Variants in SMYD3 observed in about 807,000 individuals in gnomAD.
SMYD3 encodes the protein histone-lysine N-methyltransferase SMYD3.
Under a neutral mutation model 57.7 loss-of-function variants are expected in SMYD3, and 36 were observed. The ratio of observed to expected loss-of-function variants is 0.62; its 90% CI spans 0.48 to 0.82. The LOEUF is 0.82. Among genes scored for constraint, SMYD3 ranks in the 40% least tolerant of loss-of-function variants. SMYD3 has a pLI of 0.00. For missense variants in SMYD3, 515 were observed against 538.8 expected (o/e 0.96, Z 0.44); for synonymous variants, 211 against 195.0 (o/e 1.08, Z -0.68).
intron 5 of SMYD3, among the ~76,000 whole-genome samples, chr1:246,269,533 C>CTTTT (rs139750750): frequency 1.4e-5 from 2 of 138,812 alleles, no homozygotes; most frequent in South Asian, 2.5e-4. Flanking sequence ...CTTTCTGTTT[C>CTTTT]TTTTTTTTTC....
chr1:246,276,949 A>C (rs1337017098), intron 5 of SMYD3, among the ~76,000 whole-genome samples: 1 of 152,138 alleles, frequency 6.6e-6, no homozygotes, highest in Admixed American at 6.5e-5. Flanking sequence ...TAGCCGTATT[A>C]ACACTGGCAG....
intron 1 of SMYD3, among the ~76,000 whole-genome samples, chr1:246,384,226 TTTC>T (rs1329220137): frequency 6.6e-6 from 1 of 152,136 alleles, no homozygotes; most frequent in African/African-American, 2.4e-5. Flanking sequence ...AAATAATGTG[TTTC>T]TTCATCTTTC....
intron 5 of SMYD3, among the ~76,000 whole-genome samples, chr1:246,194,527 A>T (rs1438203617): frequency 6.6e-6 from 1 of 152,190 alleles, no homozygotes; most frequent in South Asian, 2.1e-4. Context: ...TAGGCCTCCG[A>T]AAGTGCTGGG....
intron 10 of SMYD3, among the ~76,000 whole-genome samples, chr1:245,777,089 G>A (rs1326324972): frequency 1.3e-5 from 2 of 152,122 alleles, no homozygotes; most frequent in East Asian, 1.9e-4. Flanking sequence ...AAAAATGATC[G>A]TAATGGACAA....
intron 5 of SMYD3, among the ~76,000 whole-genome samples, chr1:246,167,083 C>T (rs12562155): frequency 0.023 from 3,487 of 152,236 alleles, 206 homozygotes; most frequent in East Asian, 0.22. Context: ...TAATGTATTC[C>T]GGGTTCACCC....
At chr1:246,445,710 T>G (rs1288619057) in intron 1 of SMYD3, among the ~76,000 whole-genome samples, 3 of 152,164 alleles carry the variant, frequency 2.0e-5, no homozygotes, top group African/African-American at 4.8e-5. Flanking sequence ...TGTACAAGTA[T>G]GGAGGGGACT....
At chr1:245,951,099 A>C (rs1343081671) in intron 5 of SMYD3, among the ~76,000 whole-genome samples, 2 of 152,142 alleles carry the variant, frequency 1.3e-5, no homozygotes, top group Non-Finnish European at 2.9e-5. Flanking sequence ...GAGAAACTAC[A>C]CAAGAACTGA....
chr1:246,343,254 T>C (rs948545704), intron 2 of SMYD3, among the ~76,000 whole-genome samples: 9 of 152,250 alleles, frequency 5.9e-5, no homozygotes, highest in Non-Finnish European at 1.2e-4. Context: ...CAATCTTATT[T>C]GGAAAAAGCA....
intron 5 of SMYD3, among the ~76,000 whole-genome samples, chr1:246,071,701 A>T: frequency 6.6e-6 from 1 of 152,138 alleles, no homozygotes; most frequent in Admixed American, 6.5e-5. Context: ...AAACACTGAA[A>T]CCCCAAATGC....
chr1:246,455,796 C>T (rs986322820), intron 1 of SMYD3, among the ~76,000 whole-genome samples: 2 of 152,202 alleles, frequency 1.3e-5, no homozygotes, highest in Non-Finnish European at 2.9e-5. Flanking sequence ...GAAATTATTA[C>T]TTTCATGCAT....
At chr1:246,199,590 T>G (rs2062877895) in intron 5 of SMYD3, among the ~76,000 whole-genome samples, 1 of 152,184 alleles carries the variant, frequency 6.6e-6, no homozygotes, top group African/African-American at 2.4e-5. Context: ...GGATACTCCC[T>G]CCCTTCAGGA....
chr1:246,152,641 C>T (rs899197844), intron 5 of SMYD3, among the ~76,000 whole-genome samples: 1 of 152,214 alleles, frequency 6.6e-6, no homozygotes, highest in Non-Finnish European at 1.5e-5. Flanking sequence ...AGATATACTT[C>T]CTCAATAAAG....
intron 5 of SMYD3, among the ~76,000 whole-genome samples, chr1:246,159,898 G>T (rs573736771): frequency 2.6e-4 from 39 of 152,042 alleles, no homozygotes; most frequent in Non-Finnish European, 7.4e-5. Context: ...CAACTACTAG[G>T]CCCAAGAGAT....
intron 8 of SMYD3, among the ~76,000 whole-genome samples, chr1:245,884,863 C>A (rs974852191): frequency 1.7e-5 from 2 of 118,010 alleles, no homozygotes; most frequent in African/African-American, 7.7e-5. Flanking sequence ...AGGATGTGGG[C>A]AGGGCCAAAT....
At chr1:246,314,742 T>A (rs2065130222) in intron 5 of SMYD3, among the ~76,000 whole-genome samples, 1 of 152,234 alleles carries the variant, frequency 6.6e-6, no homozygotes, top group African/African-American at 2.4e-5. Flanking sequence ...GACAGCTGGT[T>A]TGGGAAGCCA....
At chr1:245,947,350 G>A (rs1189217088) in intron 5 of SMYD3, 3 of 456,884 alleles carry the variant, frequency 6.6e-6, no homozygotes, top group South Asian at 1.5e-5. Flanking sequence ...TTCATACACG[G>A]CACAACCAGA....
At chr1:245,842,687 G>C (rs950320513) in intron 10 of SMYD3, among the ~76,000 whole-genome samples, 1 of 152,134 alleles carries the variant, frequency 6.6e-6, no homozygotes, top group African/African-American at 2.4e-5. Context: ...CTGGTGAAAA[G>C]TTCCACGTTT....
chr1:245,970,895 C>T (rs1022111168), intron 5 of SMYD3, among the ~76,000 whole-genome samples: 1 of 152,162 alleles, frequency 6.6e-6, no homozygotes, highest in Non-Finnish European at 1.5e-5. Context: ...GTGGTGATTC[C>T]TCAAGGATCT....
At chr1:246,063,860 G>A (rs574895147) in intron 5 of SMYD3, among the ~76,000 whole-genome samples, 1 of 152,004 alleles carries the variant, frequency 6.6e-6, no homozygotes, top group Non-Finnish European at 1.5e-5. Context: ...CGCCAGTCTC[G>A]AACTCCTGAC....
Sources: allele counts gnomAD v4.1 joint callset (sites outside exome capture counted in the v4.1 genomes callset), GRCh38; gene constraint gnomAD v4.1.1; transcripts MANE v1.5; gene names NCBI Gene and HGNC (gene_info 2026-07-23, HGNC 2026-07-21).